Variants in SPEN observed in about 807,000 individuals in gnomAD.
The protein encoded by SPEN is msx2-interacting protein.
In SPEN, 18 loss-of-function variants were observed where a neutral mutation model predicts 269.9. That is an observed-to-expected ratio of 0.07 (90% CI 0.05 to 0.10). The LOEUF (loss-of-function observed/expected upper bound fraction) is 0.10. Among genes scored for constraint, SPEN ranks in the 10% least tolerant of loss-of-function variants. The probability of loss-of-function intolerance (pLI) is 1.00; values close to 1 mark genes in which losing one functional copy is unlikely to be tolerated. For missense variants in SPEN, 3,822 were observed against 4,631.2 expected (o/e 0.83, Z 5.07); for synonymous variants, 1,726 against 1,765.7 (o/e 0.98, Z 0.56).
In SPEN at chr1:15,930,095, A is replaced by T; in HGVS notation, c.3855A>T (p.Lys1285Asn). 6.2e-7 allele frequency: 1 copy of T among 1,614,230 alleles called. No individual in the cohort carries two copies. The highest frequency in any genetic ancestry group is 2.2e-5 in the East Asian group (1 of 44,886). ...GCTCCCCTAGGCTACTGTCAGTAAA[A>T]GGGTCTCCTAAAGTAGATGAAAAAG... ...PIGSPRLLSV[K>N]GSPKVDEKVL... The change falls in exon 11 of 15, where the codon AAA (lysine) becomes AAT (asparagine). Residue 1285 changes from lysine (K) to asparagine (N), a missense_variant. Physicochemically the swap from Lys to Asn is moderately conservative, Grantham distance 94. This residue lies in a region of SPEN where 267 missense variants were observed against 315.5 expected (regional missense o/e 0.85). Coordinates refer to ENST00000375759, the MANE Select transcript of SPEN (RefSeq NM_015001.3). The surrounding 1 kb of genome is among the most constrained non-coding windows in gnomAD (Gnocchi z 5.3).
In SPEN at chr1:15,848,567, C is replaced by G. The variant is rs945055637; in HGVS notation, c.83+417C>G. Among the ~76,000 whole-genome samples, 1 of 152,084 alleles carries G rather than the reference C, an allele frequency of 6.6e-6. No homozygotes were observed. The highest frequency in any genetic ancestry group is 1.5e-5 in the Non-Finnish European group (1 of 67,986). On this transcript the variant is annotated intron_variant, in intron 1 of 14. Coordinates refer to ENST00000375759, the MANE Select transcript of SPEN (RefSeq NM_015001.3). The surrounding 1 kb of genome is among the most constrained non-coding windows in gnomAD (Gnocchi z 5.1). ...GCCCGCCCGACAGCCGGGTCCGGCG[C>G]CGCCACTCCAAGCTGCTCTGCGGGC...
At chr1:15,904,477 A>AAAAAAAAAAAAAAAAAT (rs1557750214) in intron 3 of SPEN, among the ~76,000 whole-genome samples, 3 of 138,026 alleles carry the variant, frequency 2.2e-5, no homozygotes, top group Non-Finnish European at 4.6e-5. Context: ...AAAAAAAAAA[A>AAAAAAAAAAAAAAAAAT]GTGAACTAAA....
intron 3 of SPEN, among the ~76,000 whole-genome samples, chr1:15,895,380 T>C (rs937799714): frequency 6.6e-6 from 1 of 152,204 alleles, no homozygotes; most frequent in African/African-American, 2.4e-5. Flanking sequence ...CATGAATTCT[T>C]GACAGCTCTA....
At chr1:15,860,378 G>GGTGTGTGTGTGTGTGTGTGTGTGT (rs60005872) in intron 1 of SPEN, among the ~76,000 whole-genome samples, 5 of 121,162 alleles carry the variant, frequency 4.1e-5, no homozygotes, top group African/African-American at 1.6e-4. Context: ...TAGCTTCAGA[G>GGTGTGTGTGTGTGTGTGTGTGTGT]GTGTGTGTGT....
intron 3 of SPEN, among the ~76,000 whole-genome samples, chr1:15,882,133 T>A (rs2070691685): frequency 6.6e-6 from 1 of 152,164 alleles, no homozygotes; most frequent in African/African-American, 2.4e-5. Context: ...CCATTTACAG[T>A]ATTTTACTGG....
chr1:15,908,789 G>A (rs1020534226), intron 3 of SPEN, among the ~76,000 whole-genome samples: 3 of 152,148 alleles, frequency 2.0e-5, no homozygotes, highest in Admixed American at 1.3e-4. Flanking sequence ...GATATTGGGG[G>A]AAATTGGGTA....
intron 1 of SPEN, among the ~76,000 whole-genome samples, chr1:15,859,139 A>T (rs946443926): frequency 8.6e-5 from 4 of 46,610 alleles, no homozygotes; most frequent in African/African-American, 1.4e-4. Context: ...TTTCTTTTTT[A>T]GTTTTTTTTT....
chr1:15,881,889 G>A (rs545492314), intron 3 of SPEN, among the ~76,000 whole-genome samples: 2 of 152,174 alleles, frequency 1.3e-5, no homozygotes, highest in Non-Finnish European at 2.9e-5. Context: ...CTTTAAAGAT[G>A]TTTAAAGTTA....
chr1:15,895,123 T>G (rs188185989), intron 3 of SPEN, among the ~76,000 whole-genome samples: 1,750 of 152,144 alleles, frequency 0.012, 23 homozygotes, highest in Non-Finnish European at 0.014. Context: ...GGTTTCTCCA[T>G]GTTGGTCAGG....
chr1:15,911,748 G>T (rs756766728), intron 5 of SPEN, among the ~76,000 whole-genome samples: 1 of 152,110 alleles, frequency 6.6e-6, no homozygotes, highest in Non-Finnish European at 1.5e-5. Context: ...ATCATCTGAG[G>T]TCAGGAGTTC....
chr1:15,909,142 A>G lies in SPEN; in HGVS notation c.882-179A>G, dbSNP rs1389574125. On this transcript the variant is annotated intron_variant, in intron 3 of 14. Transcript: ENST00000375759. ...GAAGATTATACTTTTGTGCTCCTGC[A>G]TATTTATTGTCTTCTGCCACCTCTG... 3.3e-5 allele frequency among the ~76,000 whole-genome samples: 5 copies of G among 152,210 alleles called. No homozygotes were observed. In the East Asian group the frequency reaches 9.6e-4, roughly 29 times the overall value.
intron 1 of SPEN, among the ~76,000 whole-genome samples, chr1:15,864,616 T>G (rs886459674): frequency 4.1e-5 from 6 of 146,852 alleles, no homozygotes; most frequent in Non-Finnish European, 6.0e-5. Flanking sequence ...GGTTTTTTTT[T>G]TTTTTTTTTT....
intron 2 of SPEN, chr1:15,874,166 G>A (rs767056168): frequency 4.4e-6 from 6 of 1,366,436 alleles, no homozygotes; most frequent in Non-Finnish European, 5.9e-6. Context: ...AGAAGTCTGG[G>A]GGTTTGAGAG....
At position 15,928,631 on chromosome 1, in the gene SPEN, T is replaced by C; in HGVS notation, c.2391T>C (p.Phe797=). ...KNEKTDKERT[F]DPERVERERR... is the part of the protein sequence containing the mutation. Reference sequence around the variant, plus strand: ...AAAAGACAGATAAAGAACGAACTTTTGATCCGGAGAGAGTGGAGAGAGAGA... The same window carrying C: ...AAAAGACAGATAAAGAACGAACTTTCGATCCGGAGAGAGTGGAGAGAGAGA... Residue 797 remains phenylalanine, a synonymous_variant, in exon 11 of 15, where the codon TTT becomes TTC. Coordinates refer to ENST00000375759, the MANE Select transcript of SPEN (RefSeq NM_015001.3). The surrounding 1 kb of genome is among the most constrained non-coding windows in gnomAD (Gnocchi z 5.7). 6.2e-7 allele frequency: 1 copy of C among 1,613,976 alleles called. No individual in the cohort carries two copies. The highest frequency in any genetic ancestry group is 2.2e-5 in the East Asian group (1 of 44,876).
intron 3 of SPEN, among the ~76,000 whole-genome samples, chr1:15,884,187 A>G (rs995745869): frequency 6.6e-6 from 1 of 152,198 alleles, no homozygotes; most frequent in African/African-American, 2.4e-5. Flanking sequence ...ATAAAAAGGA[A>G]TATGACCCTT....
At position 15,931,166 on chromosome 1, in the gene SPEN, C is replaced by CA; in HGVS notation, c.4927dup (p.Thr1643AsnfsTer18). The CA allele has an allele frequency of 6.2e-7, 1 of 1,614,226 alleles. No individual in the cohort carries two copies. Among genetic ancestry groups the CA allele is most frequent in the Non-Finnish European group, 8.5e-7 (1 of 1,180,040 alleles). On this transcript the variant is annotated frameshift_variant, in exon 11 of 15. Coordinates refer to ENST00000375759, the MANE Select transcript of SPEN (RefSeq NM_015001.3). LOFTEE classifies it high-confidence loss of function. This position sits in a 1 kb window ranked among gnomAD's most constrained non-coding sequence, Gnocchi z 4.8. The stretch of plus-strand genomic sequence containing the variant: ...CACCTTCCGTTGGGCCTCCAAGTGT[C>CA]ACAGTCGTAACTCTAGAATCAGCCC...
chr1:15,873,403 G>A, intron 2 of SPEN: 2 of 1,166,954 alleles, frequency 1.7e-6, no homozygotes, highest in Non-Finnish European at 2.1e-6. Context: ...GGAGTTACCT[G>A]TCTTCTAGAA....
intron 10 of SPEN, among the ~76,000 whole-genome samples, chr1:15,923,707 T>C (rs915624131): frequency 2.0e-5 from 3 of 151,834 alleles, no homozygotes; most frequent in African/African-American, 7.3e-5. Flanking sequence ...TCTTGCTCTG[T>C]GGTCTAGGCT....
chr1:15,882,926 C>A (rs1287788158), intron 3 of SPEN, among the ~76,000 whole-genome samples: 3 of 152,136 alleles, frequency 2.0e-5, no homozygotes, highest in Non-Finnish European at 2.9e-5. Flanking sequence ...AGGGTCCAAC[C>A]AAGTCTGAGT....
Sources: gnomAD v4.1 joint callset for allele counts (sites outside exome capture counted in the v4.1 genomes callset) on GRCh38, gnomAD v4.1.1 for gene constraint, gnomAD v4.1.1 regional missense constraint, Gnocchi (gnomAD v3.1) non-coding constraint, MANE v1.5 for transcripts, NCBI Gene and HGNC (gene_info 2026-07-23, HGNC 2026-07-21) for gene names.